The following EGFR variants were observed in gnomAD, a reference collection of about 807,000 sequenced individuals.
EGFR encodes epidermal growth factor receptor, also known as avian erythroblastic leukemia viral (v-erb-b) oncogene homolog.
EGFR carries 58 observed loss-of-function variants against 143.0 expected under a neutral mutation model. The observed-to-expected ratio is 0.41, with a 90% CI of 0.33 to 0.50. The LOEUF is 0.50. Among genes scored for constraint, EGFR ranks in the 20% least tolerant of loss-of-function variants. The pLI, the probability that EGFR is intolerant of heterozygous loss-of-function variation, is 0.39. For missense variants in EGFR, 1,307 were observed against 1,579.0 expected (o/e 0.83, Z 2.92); for synonymous variants, 613 against 594.4 (o/e 1.03, Z -0.45).
At chr7:55,119,152 T>C (rs572593990) in intron 1 of EGFR, 24 of 152,326 alleles carry the variant, frequency 1.6e-4, no homozygotes, top group African/African-American at 5.8e-4. Context: ...GTGAAAGCTA[T>C]AAAATTAATT....
At chr7:55,136,793 T>C (rs17336310) in intron 1 of EGFR, among the ~76,000 whole-genome samples, 3,250 of 152,338 alleles carry the variant, frequency 0.021, 51 homozygotes, top group Non-Finnish European at 0.029. Flanking sequence ...AGCCATGCAA[T>C]CAAGAGGCTA....
intron 1 of EGFR, among the ~76,000 whole-genome samples, chr7:55,035,092 A>T (rs1326984228): frequency 6.6e-6 from 1 of 152,280 alleles, no homozygotes; most frequent in African/African-American, 2.4e-5. Context: ...CGAGCTTAAC[A>T]CATAAGACTT....
At chr7:55,129,864 C>T (rs2128919299) in intron 1 of EGFR, among the ~76,000 whole-genome samples, 1 of 152,336 alleles carries the variant, frequency 6.6e-6, no homozygotes, top group African/African-American at 2.4e-5. Flanking sequence ...CTCCTCATCA[C>T]ATACTTCCTG....
In EGFR at chr7:55,165,336, G is replaced by C. The variant is rs756307243; in HGVS notation, c.1779G>C (p.Lys593Asn). The stretch of plus-strand genomic sequence containing the variant: ...ACATTGACGGCCCCCACTGCGTCAA[G>C]ACCTGCCCGGCAGGAGTCATGGGAG... ...AHYIDGPHCV[K>N]TCPAGVMGEN... The change falls in exon 15 of 28, where the codon AAG becomes AAC. Residue 593 changes from lysine to asparagine, a missense_variant. Physicochemically the swap from Lys to Asn is moderately conservative, Grantham distance 94. Around this residue, in one of 7 missense-constraint regions of EGFR, gnomAD observed 250 missense variants for 295.1 expected, o/e 0.85. Transcript: ENST00000275493. 1.2e-6 allele frequency: 2 copies of C among 1,614,176 alleles called. No individual in the cohort carries two copies. Among genetic ancestry groups the C allele is most frequent in the Non-Finnish European group, 1.7e-6 (2 of 1,180,044 alleles).
chr7:55,078,674 C>A (rs1472139910), intron 1 of EGFR, among the ~76,000 whole-genome samples: 2 of 152,222 alleles, frequency 1.3e-5, no homozygotes, highest in African/African-American at 4.8e-5. Context: ...ACGTGCAGGG[C>A]CCAGTCGCTT....
intron 20 of EGFR, among the ~76,000 whole-genome samples, chr7:55,184,517 G>C (rs1427223810): frequency 1.3e-5 from 2 of 152,190 alleles, no homozygotes; most frequent in African/African-American, 4.8e-5. Flanking sequence ...CCATTACAGA[G>C]AATAAACTTA....
At chr7:55,116,763 C>T (rs560683156) in intron 1 of EGFR, among the ~76,000 whole-genome samples, 3 of 152,352 alleles carry the variant, frequency 2.0e-5, no homozygotes, top group South Asian at 4.1e-4. Context: ...CCAGTAGGTA[C>T]TCCTTTGGGT....
intron 1 of EGFR, among the ~76,000 whole-genome samples, chr7:55,064,898 G>A (rs543082986): frequency 6.6e-6 from 1 of 152,276 alleles, no homozygotes; most frequent in South Asian, 2.1e-4. Context: ...TATACCAATA[G>A]CCCAAGAGAT....
At chr7:55,096,173 C>T (rs537439737) in intron 1 of EGFR, among the ~76,000 whole-genome samples, 2 of 152,350 alleles carry the variant, frequency 1.3e-5, no homozygotes, top group East Asian at 1.9e-4. Context: ...AGCACAAAAG[C>T]GTATCCCAGG....
chr7:55,192,657 T>A (rs1787451147), intron 21 of EGFR, 109 bp from the exon 22 acceptor site: 4 of 996,878 alleles, frequency 4.0e-6, no homozygotes, highest in Admixed American at 3.8e-5. Flanking sequence ...CCTGGGGTGA[T>A]CTGGCTCGTC....
In EGFR at chr7:55,209,564, T is replaced by C. The variant is rs1353078943; in HGVS notation, c.*3947T>C. On this transcript the variant is annotated 3_prime_UTR_variant, in exon 28 of 28. Coordinates refer to ENST00000275493, the MANE Select transcript of EGFR (RefSeq NM_005228.5). ...CCTCAATGTCTACTCTGCATTTCTTTCTTGTGATAAGCACACACTTTTATT... is the reference window on the plus strand; with the variant it reads ...CCTCAATGTCTACTCTGCATTTCTTCCTTGTGATAAGCACACACTTTTATT... 1 of 152,206 alleles carries C rather than the reference T, an allele frequency of 6.6e-6. No individual in the cohort carries two copies. The highest frequency in any genetic ancestry group is 1.5e-5 in the Non-Finnish European group (1 of 68,040). The allele number at this position is 152,206 out of a possible 1,614,324, so 9.4% of individuals were successfully genotyped here.
chr7:55,069,238 TAA>T (rs1445627282), intron 1 of EGFR, among the ~76,000 whole-genome samples: 1 of 152,224 alleles, frequency 6.6e-6, no homozygotes, highest in African/African-American at 2.4e-5. Context: ...GCTGTTCATG[TAA>T]AAAGGAATTT....
chr7:55,056,075 G>T (rs62449587), intron 1 of EGFR, among the ~76,000 whole-genome samples: 1 of 152,108 alleles, frequency 6.6e-6, no homozygotes, highest in East Asian at 1.9e-4. Context: ...GGGTACAAAA[G>T]GTGAACATCC....
Position 55,161,553 on chromosome 7 carries a change from C to G in EGFR, c.1553C>G (p.Pro518Arg), listed in dbSNP as rs564398642. Residue 518 changes from proline to arginine, a missense_variant, in exon 13 of 28, where the codon CCG (proline) becomes CGG (arginine). This residue lies in a region of EGFR where 250 missense variants were observed against 295.1 expected (regional missense o/e 0.85). Coordinates refer to ENST00000275493, the MANE Select transcript of EGFR (RefSeq NM_005228.5). ...ALCSPEGCWG[P>R]EPRDCVSCRN... ...TGCTCCCCCGAGGGCTGCTGGGGCC[C>G]GGAGCCCAGGGACTGCGTCTCTTGC... 3.1e-6 allele frequency: 5 copies of G among 1,614,256 alleles called. No individual in the cohort carries two copies. The highest frequency in any genetic ancestry group is 4.2e-6 in the Non-Finnish European group (5 of 1,180,044).
intron 1 of EGFR, among the ~76,000 whole-genome samples, chr7:55,020,663 T>TACCG (rs891718157): frequency 1.3e-5 from 2 of 151,948 alleles, no homozygotes; most frequent in African/African-American, 4.8e-5. Context: ...GCTTCGTGAC[T>TACCG]ACCGACCATA....
intron 1 of EGFR, among the ~76,000 whole-genome samples, chr7:55,081,719 G>GT (rs1248858210): frequency 1.6e-5 from 2 of 126,272 alleles, no homozygotes; most frequent in Admixed American, 7.4e-5. Context: ...GTTTTAGACT[G>GT]GTTTTTTTTT....
At chr7:55,071,578 A>G (rs1789832647) in intron 1 of EGFR, among the ~76,000 whole-genome samples, 1 of 152,218 alleles carries the variant, frequency 6.6e-6, no homozygotes, top group South Asian at 2.1e-4. Context: ...TTCTCTGTTC[A>G]ATGTCATCAT....
intron 1 of EGFR, among the ~76,000 whole-genome samples, chr7:55,098,599 A>G (rs1791619257): frequency 1.3e-5 from 2 of 152,244 alleles, no homozygotes; most frequent in Non-Finnish European, 2.9e-5. Context: ...CCTGAGAAAT[A>G]TAAGTACTGT....
chr7:55,046,536 G>A (rs1788184655), intron 1 of EGFR, among the ~76,000 whole-genome samples: 1 of 149,574 alleles, frequency 6.7e-6, no homozygotes. Flanking sequence ...CTAAGCCAGT[G>A]TTTCTCGGCT....
Sources: allele counts gnomAD v4.1 joint callset (sites outside exome capture counted in the v4.1 genomes callset), GRCh38; gene constraint gnomAD v4.1.1; regional missense constraint gnomAD v4.1.1; transcripts MANE v1.5; gene names NCBI Gene and HGNC (gene_info 2026-07-23, HGNC 2026-07-21).